The following ARID1B variants were observed in gnomAD, a reference collection of about 807,000 sequenced individuals.
ARID1B encodes AT-rich interaction domain 1B.
In ARID1B, 30 loss-of-function variants were observed where a neutral mutation model predicts 212.3. The observed-to-expected ratio is 0.14, with a 90% CI of 0.11 to 0.19. ARID1B has a LOEUF of 0.19. Ranked by LOEUF, ARID1B falls within the 10% of genes least tolerant of loss-of-function variation. The probability of loss-of-function intolerance (pLI) is 1.00; values close to 1 mark genes in which losing one functional copy is unlikely to be tolerated. For synonymous variants in ARID1B, 1,402 were observed against 1,301.7 expected (o/e 1.08, Z -1.66); for missense variants, 2,891 against 3,204.0 (o/e 0.90, Z 2.36).
intron 3 of ARID1B, among the ~76,000 whole-genome samples, chr6:156,926,265 T>A (rs1791210755): frequency 6.6e-6 from 1 of 152,188 alleles, no homozygotes; most frequent in Non-Finnish European, 1.5e-5. Flanking sequence ...AATGAAATTG[T>A]TAAGGTTAAT....
chr6:156,782,884 T>C (rs1436916314), intron 1 of ARID1B, among the ~76,000 whole-genome samples: 1 of 151,872 alleles, frequency 6.6e-6, no homozygotes, highest in East Asian at 1.9e-4. Context: ...TTTTGTTTTC[T>C]GAATCATCTG....
intron 3 of ARID1B, 138 bp downstream of exon 3, chr6:156,901,663 A>G: frequency 9.4e-7 from 1 of 1,065,208 alleles, no homozygotes; most frequent in Non-Finnish European, 1.3e-6. Flanking sequence ...CATAACTGTA[A>G]CCTAATCTAA....
intron 5 of ARID1B, among the ~76,000 whole-genome samples, chr6:157,085,391 G>A (rs111233853): frequency 2.6e-5 from 4 of 152,288 alleles, no homozygotes; most frequent in African/African-American, 9.6e-5. Context: ...TGGTCGAGGC[G>A]TTCTTACTGA....
chr6:156,930,978 C>T (rs1488322687), intron 3 of ARID1B, among the ~76,000 whole-genome samples: 1 of 152,014 alleles, frequency 6.6e-6, no homozygotes, highest in African/African-American at 2.4e-5. Context: ...TTCACAAGGT[C>T]AGGAGATAGA....
intron 4 of ARID1B, among the ~76,000 whole-genome samples, chr6:156,986,889 A>G (rs1272890322): frequency 6.6e-6 from 1 of 152,178 alleles, no homozygotes; most frequent in Non-Finnish European, 1.5e-5. Flanking sequence ...TATTAATAAA[A>G]CAACATAGGC....
At chr6:157,030,418 C>T (rs1321992243) in intron 4 of ARID1B, 1 of 152,242 alleles carries the variant, frequency 6.6e-6, no homozygotes, top group Non-Finnish European at 1.5e-5. Context: ...GAGAATTAGA[C>T]TCCACCTTGG....
At chr6:157,086,711 C>T (rs1302079512) in intron 5 of ARID1B, among the ~76,000 whole-genome samples, 1 of 152,020 alleles carries the variant, frequency 6.6e-6, no homozygotes, top group Non-Finnish European at 1.5e-5. Context: ...AAGATAAAAC[C>T]CAACAGAAAA....
At chr6:157,124,346 T>C (rs1457031283) in intron 6 of ARID1B, among the ~76,000 whole-genome samples, 2 of 152,214 alleles carry the variant, frequency 1.3e-5, no homozygotes, top group East Asian at 3.8e-4. Context: ...CTCCAGAACT[T>C]ACAGTCTGGC....
At chr6:156,912,617 G>A (rs1032287949) in intron 3 of ARID1B, among the ~76,000 whole-genome samples, 22 of 152,308 alleles carry the variant, frequency 1.4e-4, no homozygotes, top group Non-Finnish European at 2.5e-4. Context: ...CTCACTCTGA[G>A]CTAGTGAGGC....
chr6:157,087,548 C>A (rs572229878), intron 5 of ARID1B, among the ~76,000 whole-genome samples: 7 of 152,146 alleles, frequency 4.6e-5, no homozygotes, highest in Admixed American at 1.3e-4. Flanking sequence ...TTGATTCTTA[C>A]GATGTTACGT....
At chr6:157,132,945 C>T (rs1174829175) in intron 6 of ARID1B, 83 bp from the exon 7 acceptor site, 2 of 1,421,954 alleles carry the variant, frequency 1.4e-6, no homozygotes, top group East Asian at 4.7e-5. Flanking sequence ...CTGCCACCTG[C>T]CACATCAGTC....
chr6:156,781,725 CATT>C (rs1012710627), intron 1 of ARID1B, among the ~76,000 whole-genome samples: 1 of 151,896 alleles, frequency 6.6e-6, no homozygotes, highest in African/African-American at 2.4e-5. Context: ...CGAGGAAAAA[CATT>C]ATAGAGAAGA....
At chr6:157,072,039 T>A (rs181448644) in intron 4 of ARID1B, 3 of 152,372 alleles carry the variant, frequency 2.0e-5, no homozygotes, top group African/African-American at 7.2e-5. Context: ...ATGTGCAAAG[T>A]ATGCATATGA....
chr6:157,138,349 C>T (rs1789085413), intron 7 of ARID1B, among the ~76,000 whole-genome samples: 2 of 152,170 alleles, frequency 1.3e-5, no homozygotes, highest in Middle Eastern at 3.2e-3. Flanking sequence ...GATTCTCCCA[C>T]CTCAGCCTCT....
intron 2 of ARID1B, among the ~76,000 whole-genome samples, chr6:156,835,126 G>A (rs1172890671): frequency 1.3e-5 from 2 of 151,604 alleles, no homozygotes; most frequent in Non-Finnish European, 2.9e-5. Context: ...TGTAGTCCCA[G>A]CTCCTCGGGA....
intron 4 of ARID1B, among the ~76,000 whole-genome samples, chr6:156,983,147 A>G (rs776402900): frequency 5.3e-5 from 8 of 152,102 alleles, no homozygotes; most frequent in Non-Finnish European, 1.2e-4. Flanking sequence ...TCACGCCTGT[A>G]ATCCCAGCAT....
chr6:156,987,247 C>A (rs1398684894), intron 4 of ARID1B, among the ~76,000 whole-genome samples: 1 of 151,664 alleles, frequency 6.6e-6, no homozygotes, highest in East Asian at 1.9e-4. Context: ...AAGATGGGGT[C>A]ACCTGTTTTT....
intron 1 of ARID1B, among the ~76,000 whole-genome samples, 181 bp from the exon 2 acceptor site, chr6:156,829,046 T>A (rs1257228496): frequency 6.6e-6 from 1 of 152,242 alleles, no homozygotes; most frequent in African/African-American, 2.4e-5. Flanking sequence ...AAATAAAATT[T>A]CTTGTATCCA....
intron 2 of ARID1B, among the ~76,000 whole-genome samples, chr6:156,884,275 C>T (rs1787333555): frequency 6.6e-6 from 1 of 152,042 alleles, no homozygotes; most frequent in South Asian, 2.1e-4. Flanking sequence ...ATTTTTTAAG[C>T]TCCTTTGATT....
Sources: gnomAD v4.1 joint callset for allele counts (sites outside exome capture counted in the v4.1 genomes callset) on GRCh38, gnomAD v4.1.1 for gene constraint, MANE v1.5 for transcripts, NCBI Gene and HGNC (gene_info 2026-07-23, HGNC 2026-07-21) for gene names.